SEC22A: variants seen among roughly 807,000 people sequenced by gnomAD.
The protein encoded by SEC22A is vesicle-trafficking protein SEC22a.
A neutral mutation model predicts 35.3 loss-of-function variants in SEC22A; 22 were observed. That is an observed-to-expected ratio of 0.62 (90% CI 0.45 to 0.89). SEC22A has a LOEUF of 0.89. SEC22A is among the 40% of genes least tolerant of loss of function. The pLI, the probability that SEC22A is intolerant of heterozygous loss-of-function variation, is 0.00. For synonymous variants in SEC22A, 119 were observed against 129.5 expected, an observed-to-expected ratio of 0.92 and a Z score of 0.55; for missense variants, 354 against 362.5, an observed-to-expected ratio of 0.98 and a Z score of 0.19.
At chr3:123,263,555 C>T (rs765240116) in intron 6 of SEC22A, among the ~76,000 whole-genome samples, 2 of 152,184 alleles carry the variant, frequency 1.3e-5, no homozygotes, top group Non-Finnish European at 2.9e-5. Context: ...CTTGCTCTGT[C>T]ACCCAGGCTG....
chr3:123,211,945 T>C (rs949581814), intron 2 of SEC22A, among the ~76,000 whole-genome samples: 4 of 152,090 alleles, frequency 2.6e-5, no homozygotes, highest in African/African-American at 9.7e-5. Context: ...TAGTCCCAGC[T>C]ACTGTGGCGA....
chr3:123,238,723 T>C (rs1417871002), intron 4 of SEC22A, among the ~76,000 whole-genome samples: 2 of 152,214 alleles, frequency 1.3e-5, no homozygotes, highest in Non-Finnish European at 2.9e-5. Flanking sequence ...TTTGTATTTC[T>C]TGACTTTTTT....
chr3:123,232,088 A>C (rs1173440282), intron 4 of SEC22A, among the ~76,000 whole-genome samples: 2 of 152,088 alleles, frequency 1.3e-5, no homozygotes, highest in Non-Finnish European at 2.9e-5. Flanking sequence ...AAAATACAAA[A>C]AATTAGCTGA....
intron 6 of SEC22A, among the ~76,000 whole-genome samples, chr3:123,262,280 G>C (rs183403943): frequency 4.6e-5 from 7 of 152,294 alleles, no homozygotes; most frequent in Admixed American, 4.6e-4. Context: ...TTTCAAATAG[G>C]AAAGCAAAGG....
At chr3:123,246,114 G>A in intron 5 of SEC22A, 100 bp downstream of exon 5, 2 of 642,892 alleles carry the variant, frequency 3.1e-6, no homozygotes, top group South Asian at 2.0e-5. Context: ...AATTTACAGT[G>A]CATACTCAAA....
At chr3:123,252,030 G>T (rs1312887043) in intron 5 of SEC22A, among the ~76,000 whole-genome samples, 1 of 152,192 alleles carries the variant, frequency 6.6e-6, no homozygotes, top group Non-Finnish European at 1.5e-5. Context: ...ATAGGTTCAA[G>T]AGTGCAAACT....
At chr3:123,246,094 G>A in intron 5 of SEC22A, 80 bp downstream of exon 5, 1 of 747,570 alleles carries the variant, frequency 1.3e-6, no homozygotes, top group Non-Finnish European at 2.4e-6. Context: ...ATTGGATTGG[G>A]TATTAGTATA....
At chr3:123,259,304 G>A (rs1937821771) in intron 5 of SEC22A, among the ~76,000 whole-genome samples, 1 of 151,956 alleles carries the variant, frequency 6.6e-6, no homozygotes, top group African/African-American at 2.4e-5. Context: ...AATTGATGGG[G>A]GTGGCCAAAA....
At chr3:123,239,049 A>AT (rs143115803) in intron 4 of SEC22A, among the ~76,000 whole-genome samples, 2 of 151,946 alleles carry the variant, frequency 1.3e-5, no homozygotes, top group Non-Finnish European at 1.5e-5. Flanking sequence ...TTATTTCTAT[A>AT]TTTTTTTCTT....
chr3:123,221,627 G>C (rs1255315813), intron 2 of SEC22A, among the ~76,000 whole-genome samples: 2 of 151,850 alleles, frequency 1.3e-5, no homozygotes, highest in African/African-American at 4.8e-5. Context: ...CATTAAAAAG[G>C]GTTACTTTGT....
At position 123,241,448 on chromosome 3, in the gene SEC22A, T is replaced by C. The variant is rs922796459; in HGVS notation, c.542-4451T>C. On this transcript the variant is annotated intron_variant, in intron 4 of 6. Transcript: ENST00000492595. ...TGTTTCCCTAGGCATTGTGGGCATCTTTGAGATTTCGAATGGTACCATCTC... is the reference window on the plus strand; with the variant it reads ...TGTTTCCCTAGGCATTGTGGGCATCCTTGAGATTTCGAATGGTACCATCTC... Among the ~76,000 whole-genome samples, 4 of 152,190 alleles carry C rather than the reference T, an allele frequency of 2.6e-5. No individual in the cohort carries two copies. The East Asian group carries it at 7.7e-4, about 29-fold the overall frequency.
intron 4 of SEC22A, among the ~76,000 whole-genome samples, chr3:123,241,549 A>G (rs993294996): frequency 2.6e-5 from 4 of 152,180 alleles, no homozygotes; most frequent in East Asian, 1.9e-4. Flanking sequence ...CTTCTATTTC[A>G]TCTTCACTGA....
intron 6 of SEC22A, among the ~76,000 whole-genome samples, chr3:123,266,996 A>G (rs572490734): frequency 6.6e-6 from 1 of 152,192 alleles, no homozygotes; most frequent in African/African-American, 2.4e-5. Context: ...TTATCATTAT[A>G]TATGTTCCTC....
intron 2 of SEC22A, among the ~76,000 whole-genome samples, chr3:123,217,724 A>G (rs1375644984): frequency 1.3e-5 from 2 of 152,240 alleles, no homozygotes; most frequent in Non-Finnish European, 2.9e-5. Context: ...ATCAGTTTGT[A>G]ATACTAAATC....
intron 1 of SEC22A, among the ~76,000 whole-genome samples, chr3:123,206,899 C>T (rs1047482719): frequency 7.9e-5 from 12 of 152,166 alleles, no homozygotes; most frequent in Non-Finnish European, 1.6e-4. Context: ...ACCAGCCTGG[C>T]CAACATGGCG....
intron 6 of SEC22A, among the ~76,000 whole-genome samples, chr3:123,270,856 T>A (rs1938144996): frequency 6.6e-6 from 1 of 152,246 alleles, no homozygotes; most frequent in Non-Finnish European, 1.5e-5. Context: ...TTTCAAGACA[T>A]AACTGTTTGA....
chr3:123,202,050 CCT>C (rs1178389347), intron 1 of SEC22A, 64 bp downstream of exon 1: 2 of 153,306 alleles, frequency 1.3e-5, no homozygotes, highest in Non-Finnish European at 2.9e-5. Flanking sequence ...TCCCTGCCGG[CCT>C]CTCCCCTCCC....
At chr3:123,234,148 T>C (rs1225265511) in intron 4 of SEC22A, among the ~76,000 whole-genome samples, 4 of 152,198 alleles carry the variant, frequency 2.6e-5, no homozygotes, top group Non-Finnish European at 5.9e-5. Flanking sequence ...TAATGACAAA[T>C]AGTCTCATGT....
intron 4 of SEC22A, among the ~76,000 whole-genome samples, chr3:123,228,702 G>C (rs763463294): frequency 4.6e-5 from 7 of 152,036 alleles, no homozygotes; most frequent in Admixed American, 6.5e-5. Context: ...ACAGACAGAG[G>C]CTTCAAAGTA....
Sources: allele counts gnomAD v4.1 joint callset (sites outside exome capture counted in the v4.1 genomes callset), GRCh38; gene constraint gnomAD v4.1.1; transcripts MANE v1.5; gene names NCBI Gene and HGNC (gene_info 2026-07-23, HGNC 2026-07-21).